SLC27A6: variants seen among roughly 807,000 people sequenced by gnomAD.
SLC27A6 encodes solute carrier family 27 member 6.
Under a neutral mutation model 63.9 loss-of-function variants are expected in SLC27A6, and 74 were observed. That is an observed-to-expected ratio of 1.16 (90% confidence interval 0.96 to 1.40). The LOEUF (loss-of-function observed/expected upper bound fraction) is 1.40. SLC27A6 is among the 40% of genes most tolerant of loss of function. SLC27A6 has a pLI of 0.00. For synonymous variants in SLC27A6, 287 were observed against 260.8 expected (o/e 1.10, Z -0.97); for missense variants, 794 against 732.9 (o/e 1.08, Z -0.96).
intron 1 of SLC27A6, among the ~76,000 whole-genome samples, chr5:128,976,006 G>C (rs1296982506): frequency 6.6e-6 from 1 of 151,442 alleles, no homozygotes; most frequent in East Asian, 2.0e-4. Context: ...TGTAACAGAA[G>C]TAATTGTTGA....
Position 128,966,585 on chromosome 5 carries a change from G to A in SLC27A6, c.448G>A (p.Ala150Thr). The change falls in exon 1 of 10, where the codon GCC (alanine) becomes ACC (threonine). Residue 150 changes from alanine (A) to threonine (T), a missense_variant. Coordinates refer to ENST00000262462, the MANE Select transcript of SLC27A6 (RefSeq NM_001017372.3). ...RSNSLLNCIR[A>T]CGPRALVVGA... ...CAACTCCCTCCTGAATTGCATCCGCGCCTGTGGGCCCAGAGCCCTAGTGGT... is the reference window on the plus strand; with the variant it reads ...CAACTCCCTCCTGAATTGCATCCGCACCTGTGGGCCCAGAGCCCTAGTGGT... The A allele has an allele frequency of 2.6e-6, 4 of 1,544,220 alleles. No individual in the cohort carries two copies. The highest frequency in any genetic ancestry group is 3.5e-6 in the Non-Finnish European group (4 of 1,153,112).
At chr5:129,004,120 A>G (rs1751441204) in intron 4 of SLC27A6, among the ~76,000 whole-genome samples, 1 of 152,090 alleles carries the variant, frequency 6.6e-6, no homozygotes, top group South Asian at 2.1e-4. Flanking sequence ...CTCAGGATTT[A>G]TCTTGAGGAA....
intron 4 of SLC27A6, among the ~76,000 whole-genome samples, chr5:128,994,318 TTAA>T (rs755690545): frequency 5.9e-5 from 9 of 152,146 alleles, no homozygotes; most frequent in Non-Finnish European, 2.9e-5. Context: ...AAAGGGAAAC[TTAA>T]TAATTTTTTT....
chr5:128,986,573 A>G (rs1750794437), intron 2 of SLC27A6, among the ~76,000 whole-genome samples: 1 of 151,698 alleles, frequency 6.6e-6, no homozygotes, highest in Admixed American at 6.6e-5. Flanking sequence ...GGAGAATATA[A>G]TTTTTTTTTA....
chr5:129,021,604 A>G (rs139163858), intron 5 of SLC27A6, among the ~76,000 whole-genome samples: 1 of 152,322 alleles, frequency 6.6e-6, no homozygotes, highest in Non-Finnish European at 1.5e-5. Context: ...ACATGTACAC[A>G]TATACACATA....
intron 1 of SLC27A6, among the ~76,000 whole-genome samples, chr5:128,979,894 C>G (rs1750525733): frequency 6.6e-6 from 1 of 152,172 alleles, no homozygotes; most frequent in African/African-American, 2.4e-5. Context: ...ACTTGTGCTT[C>G]TGTTATTCAT....
chr5:128,997,666 A>G (rs17767243), intron 4 of SLC27A6, among the ~76,000 whole-genome samples: 34,994 of 152,122 alleles, frequency 0.23, 5,143 homozygotes, highest in East Asian at 0.7. Context: ...ATCTTTTTCT[A>G]TCTGTCCTTT....
chr5:129,023,559 GTAAC>G, intron 5 of SLC27A6, 57 bp from the exon 6 acceptor site: 1 of 1,205,258 alleles, frequency 8.3e-7, no homozygotes, highest in Non-Finnish European at 1.2e-6. Flanking sequence ...GCTTGTACAA[GTAAC>G]TAAATGCACA....
At chr5:128,967,204 C>CT (rs11371874) in intron 1 of SLC27A6, among the ~76,000 whole-genome samples, 12,086 of 151,666 alleles carry the variant, frequency 0.08, 749 homozygotes, top group East Asian at 0.21. Context: ...TCCATGCATC[C>CT]TTTTCTTTTT....
At chr5:129,005,696 T>C (rs1365502846) in intron 4 of SLC27A6, among the ~76,000 whole-genome samples, 19 of 139,140 alleles carry the variant, frequency 1.4e-4, no homozygotes, top group African/African-American at 4.9e-4. Flanking sequence ...CACTGCAAGC[T>C]CCGCCTCCTG....
rs532610052 is a variant in SLC27A6 at position 128,974,529 on chromosome 5, C to T, written c.481+7911C>T. Among the ~76,000 whole-genome samples the T allele has an allele frequency of 7.9e-5, 12 of 152,320 alleles. No individual in the cohort carries two copies. In the East Asian group the frequency reaches 2.3e-3, roughly 29 times the overall value. On this transcript the variant is annotated intron_variant, in intron 1 of 9. Transcript: ENST00000262462. ...TATACTTAAAATACTGTGTTGTTGG[C>T]ATCTGGAGTCTCATTTGTGAACAAT...
chr5:129,027,282 GAT>G lies in SLC27A6; in HGVS notation c.1406_1407del (p.Asp469AlafsTer26). Reference sequence around the variant, plus strand: ...TAATACTGGAGACTTAATAGTCCAGGATCAGGACAATTTCCTTTATTTTTGGG... The same window carrying G: ...TAATACTGGAGACTTAATAGTCCAGGCAGGACAATTTCCTTTATTTTTGGG... ...YLNTGDLIVQ[D>X]QDNFLYFWDR... On this transcript the variant is annotated frameshift_variant, in exon 7 of 10. Coordinates refer to ENST00000262462, the MANE Select transcript of SLC27A6 (RefSeq NM_001017372.3). LOFTEE classifies it high-confidence loss of function. The G allele has an allele frequency of 6.2e-7, 1 of 1,612,980 alleles. No individual in the cohort carries two copies. The highest frequency in any genetic ancestry group is 8.5e-7 in the Non-Finnish European group (1 of 1,179,178).
At chr5:129,015,826 TAATA>T (rs1751871695) in intron 4 of SLC27A6, 55 bp from the exon 5 acceptor site, 3 of 1,195,358 alleles carry the variant, frequency 2.5e-6, no homozygotes, top group Non-Finnish European at 3.6e-6. Flanking sequence ...ATTTAAATAA[TAATA>T]AAGAAAGAAT....
chr5:129,025,379 A>G (rs1752203199), intron 6 of SLC27A6, among the ~76,000 whole-genome samples: 1 of 152,088 alleles, frequency 6.6e-6, no homozygotes, highest in South Asian at 2.1e-4. Context: ...AAAAATTCTG[A>G]AATACAGGGA....
chr5:129,004,853 A>G (rs1751466277), intron 4 of SLC27A6, among the ~76,000 whole-genome samples: 1 of 152,214 alleles, frequency 6.6e-6, no homozygotes, highest in Non-Finnish European at 1.5e-5. Flanking sequence ...GTCCAGGGTC[A>G]CTTTTTAAAG....
chr5:128,987,281 C>T (rs1179555416), intron 2 of SLC27A6, among the ~76,000 whole-genome samples: 2 of 152,140 alleles, frequency 1.3e-5, no homozygotes, highest in Admixed American at 6.5e-5. Flanking sequence ...TTGAAAGACA[C>T]TGATCATGAT....
chr5:128,966,123 G>GGCC lies in SLC27A6; in HGVS notation c.-14_-12dup, dbSNP rs757925678. ...GGGGCTGAGATCAGAGCTGTCTTCT[G>GGCC]GCCCAGTTGCCCCCATGCTTCTGTC... On this transcript the variant is annotated 5_prime_UTR_variant, in exon 1 of 10. Transcript: ENST00000262462. 2.0e-5 allele frequency: 31 copies of GGCC among 1,533,474 alleles called. No homozygotes were observed. Among genetic ancestry groups the GGCC allele is most frequent in the Non-Finnish European group, 2.7e-5 (31 of 1,144,986 alleles). The allele number at this position is 1,533,474 out of a possible 1,614,324, so 95.0% of individuals were successfully genotyped here. A position where few individuals can be genotyped will look rare whatever the true frequency, so the allele number is the denominator to read the frequency against.
chr5:128,978,890 C>G (rs1396956924), intron 1 of SLC27A6, among the ~76,000 whole-genome samples: 1 of 152,224 alleles, frequency 6.6e-6, no homozygotes, highest in Non-Finnish European at 1.5e-5. Context: ...TTTAAATACA[C>G]AAACACATAT....
intron 1 of SLC27A6, among the ~76,000 whole-genome samples, chr5:128,982,330 T>A (rs1750623523): frequency 1.3e-5 from 2 of 152,214 alleles, no homozygotes; most frequent in South Asian, 4.1e-4. Context: ...ATGAAAGAAG[T>A]GACATTGTAT....
Sources: gnomAD v4.1 joint callset for allele counts (sites outside exome capture counted in the v4.1 genomes callset) on GRCh38, gnomAD v4.1.1 for gene constraint, MANE v1.5 for transcripts, NCBI Gene and HGNC (gene_info 2026-07-23, HGNC 2026-07-21) for gene names.